CRTC3: variants seen among roughly 807,000 people sequenced by gnomAD.
CRTC3 encodes the protein CREB regulated transcription coactivator 3.
Under a neutral mutation model 74.5 loss-of-function variants are expected in CRTC3, and 26 were observed. That is an observed-to-expected ratio of 0.35 (90% CI 0.26 to 0.48). The LOEUF is 0.48. CRTC3 is among the 20% of genes least tolerant of loss of function. The pLI is 0.99. For synonymous variants in CRTC3, 377 were observed against 325.8 expected (o/e 1.16, Z -1.69); for missense variants, 760 against 787.3 (o/e 0.97, Z 0.41).
At chr15:90,576,972 CTT>C (rs1253635440) in intron 2 of CRTC3, among the ~76,000 whole-genome samples, 2 of 152,154 alleles carry the variant, frequency 1.3e-5, no homozygotes, top group Non-Finnish European at 2.9e-5. Flanking sequence ...AAGTTAGCGA[CTT>C]TTGTGTCTCC....
intron 11 of CRTC3, among the ~76,000 whole-genome samples, chr15:90,635,869 A>C (rs1426697283): frequency 6.6e-6 from 1 of 152,144 alleles, no homozygotes; most frequent in East Asian, 1.9e-4. Flanking sequence ...GGACCTCTTC[A>C]AGGAGAACTA....
chr15:90,639,832 G>A lies in CRTC3; in HGVS notation c.1548+1017G>A, dbSNP rs1011343583. ...GGAGGCCGAGGCGGGCGGATCATGA[G>A]GTCAGGAGATCGAGACCATCCTGGC... On this transcript the variant is annotated intron_variant, in intron 13 of 14. Coordinates refer to ENST00000268184, the MANE Select transcript of CRTC3 (RefSeq NM_022769.5). 1.1e-4 allele frequency among the ~76,000 whole-genome samples: 16 copies of A among 151,182 alleles called. No individual in the cohort carries two copies. The East Asian group carries it at 2.4e-3, about 23-fold the overall frequency.
Position 90,635,944 on chromosome 15 carries a change from G to A in CRTC3, c.1267-2502G>A, listed in dbSNP as rs1001007351. Among the ~76,000 whole-genome samples the A allele has an allele frequency of 3.3e-5, 5 of 152,166 alleles. No homozygotes were observed. The East Asian group carries it at 9.7e-4, about 29-fold the overall frequency. On this transcript the variant is annotated intron_variant, in intron 11 of 14. Coordinates refer to ENST00000268184, the MANE Select transcript of CRTC3 (RefSeq NM_022769.5). ...ATGGAAGAACATTCCATGCTCATGG[G>A]TAGGAAGAATCAATATTGTGAAAAT...
In CRTC3 at chr15:90,624,526, C is replaced by T. The variant is rs749463727; in HGVS notation, c.750-1250C>T. Among the ~76,000 whole-genome samples, 40 of 152,166 alleles carry T rather than the reference C, an allele frequency of 2.6e-4. 1 individual carries two copies. Among genetic ancestry groups the T allele is most frequent in the Non-Finnish European group, 4.9e-4 (33 of 68,020 alleles). The stretch of plus-strand genomic sequence containing the variant: ...CACCTGACACCTCAGCCATGCCCAG[C>T]TACTCTTAATTCCACGCACACACTG... On this transcript the variant is annotated intron_variant, in intron 9 of 14. Coordinates refer to ENST00000268184, the MANE Select transcript of CRTC3 (RefSeq NM_022769.5).
intron 11 of CRTC3, among the ~76,000 whole-genome samples, chr15:90,631,767 A>C (rs1193632409): frequency 2.0e-5 from 3 of 151,754 alleles, no homozygotes; most frequent in Non-Finnish European, 2.9e-5. Flanking sequence ...GAAAAGAAAG[A>C]AATAGGGTCT....
intron 13 of CRTC3, among the ~76,000 whole-genome samples, chr15:90,639,603 CT>C (rs1969367295): frequency 6.6e-6 from 1 of 151,452 alleles, no homozygotes; most frequent in South Asian, 2.1e-4. Context: ...GCATGTACCC[CT>C]ACACCTGGCT....
chr15:90,564,903 A>ATCCTTCCT (rs1967087757), intron 2 of CRTC3, among the ~76,000 whole-genome samples: 1 of 119,130 alleles, frequency 8.4e-6, no homozygotes, highest in Non-Finnish European at 1.9e-5. Context: ...CAATTTAACC[A>ATCCTTCCT]ACCTTCCTTC....
At chr15:90,580,844 A>G (rs1382530329) in intron 2 of CRTC3, among the ~76,000 whole-genome samples, 1 of 152,146 alleles carries the variant, frequency 6.6e-6, no homozygotes, top group African/African-American at 2.4e-5. Context: ...GGTTTCAGGG[A>G]CCAGTTCTTC....
intron 2 of CRTC3, among the ~76,000 whole-genome samples, chr15:90,548,503 A>T (rs1444563134): frequency 2.6e-5 from 4 of 152,128 alleles, no homozygotes; most frequent in African/African-American, 9.7e-5. Context: ...CTTAAAAATC[A>T]TGTCTTTGAC....
intron 9 of CRTC3, among the ~76,000 whole-genome samples, chr15:90,621,413 C>T (rs952847642): frequency 7.2e-5 from 11 of 152,148 alleles, no homozygotes; most frequent in Admixed American, 7.2e-4. Context: ...ACCTCTGCCT[C>T]CCAGGTTCAA....
chr15:90,580,745 G>C (rs1009093919), intron 2 of CRTC3, among the ~76,000 whole-genome samples: 2 of 151,966 alleles, frequency 1.3e-5, no homozygotes, highest in Non-Finnish European at 2.9e-5. Context: ...TTTTCTGTTT[G>C]TTTGACAAAA....
chr15:90,625,573 G>A (rs1466808956), intron 9 of CRTC3, among the ~76,000 whole-genome samples: 2 of 152,168 alleles, frequency 1.3e-5, no homozygotes, highest in African/African-American at 4.8e-5. Flanking sequence ...TTCCTGTAAT[G>A]TGGGCACAGG....
chr15:90,593,222 T>A (rs1435116845), intron 2 of CRTC3, among the ~76,000 whole-genome samples: 1 of 152,196 alleles, frequency 6.6e-6, no homozygotes, highest in Non-Finnish European at 1.5e-5. Flanking sequence ...TCAAACATTA[T>A]GAATTCAATC....
intron 2 of CRTC3, among the ~76,000 whole-genome samples, chr15:90,564,904 ACCTTCCTTCCTT>A (rs71154112): frequency 0.031 from 4,567 of 146,390 alleles, 192 homozygotes; most frequent in African/African-American, 0.098. Context: ...AATTTAACCA[ACCTTCCTTCCTT>A]CCTTCCTTCC....
chr15:90,597,511 T>A lies in CRTC3; in HGVS notation c.351+3756T>A, dbSNP rs546519198. Among the ~76,000 whole-genome samples the A allele has an allele frequency of 2.0e-5, 3 of 152,296 alleles. 1 individual carries two copies. Among genetic ancestry groups the A allele is most frequent in the South Asian group, 4.1e-4 (2 of 4,828 alleles). ...TTTGATTCTTTTCATCATAATGAGATGAAAATGTTAGGACATTGGTTTATA... is the reference window on the plus strand; with the variant it reads ...TTTGATTCTTTTCATCATAATGAGAAGAAAATGTTAGGACATTGGTTTATA... On this transcript the variant is annotated intron_variant, in intron 3 of 14. Coordinates refer to ENST00000268184, the MANE Select transcript of CRTC3 (RefSeq NM_022769.5).
At chr15:90,552,614 C>T (rs1367927448) in intron 2 of CRTC3, among the ~76,000 whole-genome samples, 1 of 152,158 alleles carries the variant, frequency 6.6e-6, no homozygotes, top group Non-Finnish European at 1.5e-5. Context: ...GGTTTGAGTC[C>T]TGGTTCTGCC....
At chr15:90,567,599 A>C (rs1170512476) in intron 2 of CRTC3, among the ~76,000 whole-genome samples, 2 of 152,024 alleles carry the variant, frequency 1.3e-5, no homozygotes, top group Non-Finnish European at 2.9e-5. Context: ...GAGGCAGGAG[A>C]ATTGCTTGAA....
chr15:90,586,027 C>T (rs1967651075), intron 2 of CRTC3, among the ~76,000 whole-genome samples: 2 of 152,220 alleles, frequency 1.3e-5, no homozygotes, highest in African/African-American at 4.8e-5. Flanking sequence ...GGTGACATCA[C>T]ATTCCGGTGC....
At chr15:90,604,186 T>C (rs138935817) in intron 4 of CRTC3, 199 bp from the exon 5 acceptor site, 9 of 545,962 alleles carry the variant, frequency 1.6e-5, no homozygotes, top group Non-Finnish European at 3.0e-5. Context: ...AAATCAGAGA[T>C]CACAGGACTG....
Sources: allele counts gnomAD v4.1 joint callset (sites outside exome capture counted in the v4.1 genomes callset), GRCh38; gene constraint gnomAD v4.1.1; transcripts MANE v1.5; gene names NCBI Gene and HGNC (gene_info 2026-07-23, HGNC 2026-07-21).